Variants in ZCCHC7 observed in about 807,000 individuals in gnomAD.
ZCCHC7 encodes the protein zinc finger CCHC-type containing 7, also known as zinc finger CCHC domain-containing protein 7.
Under a neutral mutation model 52.0 loss-of-function variants are expected in ZCCHC7, and 35 were observed. The ratio of observed to expected loss-of-function variants is 0.67; its 90% CI spans 0.51 to 0.89. The LOEUF (loss-of-function observed/expected upper bound fraction) is 0.89. ZCCHC7 is among the 40% of genes least tolerant of loss of function. The pLI is 0.00. For synonymous variants in ZCCHC7, 217 were observed against 221.5 expected, an observed-to-expected ratio of 0.98 and a Z score of 0.18; for missense variants, 574 against 649.1, an observed-to-expected ratio of 0.88 and a Z score of 1.26.
At chr9:37,121,532 T>C (rs1842316878) in intron 1 of ZCCHC7, 1 of 152,236 alleles carries the variant, frequency 6.6e-6, no homozygotes, top group South Asian at 2.1e-4. Context: ...GTTTGAATAG[T>C]TAGGCTGTCG....
At chr9:37,244,807 A>C (rs894331274) in intron 2 of ZCCHC7, among the ~76,000 whole-genome samples, 4 of 151,270 alleles carry the variant, frequency 2.6e-5, no homozygotes, top group Middle Eastern at 3.2e-3. Flanking sequence ...CCAGTGTTGA[A>C]TTTTTTTTTA....
intron 2 of ZCCHC7, among the ~76,000 whole-genome samples, chr9:37,271,348 A>T (rs1827401490): frequency 6.6e-6 from 1 of 152,168 alleles, no homozygotes; most frequent in South Asian, 2.1e-4. Flanking sequence ...AATTGCATGG[A>T]AAAGAGGGAG....
At chr9:37,276,241 G>T (rs1237698133) in intron 2 of ZCCHC7, among the ~76,000 whole-genome samples, 2 of 152,148 alleles carry the variant, frequency 1.3e-5, no homozygotes, top group South Asian at 2.1e-4. Flanking sequence ...ACTTGAAGGG[G>T]TTATTTATGT....
chr9:37,157,197 G>GA lies in ZCCHC7; in HGVS notation c.610+30270dup, dbSNP rs112401588. On this transcript the variant is annotated intron_variant, in intron 2 of 8. Transcript: ENST00000336755. Reference sequence around the variant, plus strand: ...ATTCTTCACCATCACAAACTTAGTTGAAAAAAAAAAAAAAAGGCGGCCGGG... The same window carrying GA: ...ATTCTTCACCATCACAAACTTAGTTGAAAAAAAAAAAAAAAAGGCGGCCGGG... Among the ~76,000 whole-genome samples, 307 of 133,814 alleles carry GA rather than the reference G, an allele frequency of 2.3e-3. 2 individuals carry two copies. The highest frequency in any genetic ancestry group is 2.5e-3 in the African/African-American group (92 of 36,852). 87.8% of individuals were successfully genotyped at this position (133,814 alleles called of 152,430 possible).
At chr9:37,169,886 C>T (rs999576203) in intron 2 of ZCCHC7, among the ~76,000 whole-genome samples, 1 of 151,804 alleles carries the variant, frequency 6.6e-6, no homozygotes, top group Non-Finnish European at 1.5e-5. Flanking sequence ...GGTAACATGG[C>T]GAAACCATGT....
chr9:37,185,126 T>C (rs1425586417), intron 2 of ZCCHC7, among the ~76,000 whole-genome samples: 1 of 152,152 alleles, frequency 6.6e-6, no homozygotes, highest in Non-Finnish European at 1.5e-5. Context: ...CAGGAGGCAA[T>C]TGGCAGACAC....
At chr9:37,285,723 G>T (rs541347559) in intron 2 of ZCCHC7, among the ~76,000 whole-genome samples, 2 of 152,134 alleles carry the variant, frequency 1.3e-5, no homozygotes, top group Non-Finnish European at 2.9e-5. Context: ...GACTATTAAA[G>T]ATTTTTTTAA....
chr9:37,285,057 A>G (rs79445175), intron 2 of ZCCHC7, among the ~76,000 whole-genome samples: 7,704 of 152,126 alleles, frequency 0.051, 634 homozygotes, highest in African/African-American at 0.17. Context: ...AGGAGATTGG[A>G]GGGGAGCGTT....
intron 2 of ZCCHC7, among the ~76,000 whole-genome samples, chr9:37,272,155 C>T (rs968363391): frequency 1.2e-4 from 18 of 152,124 alleles, no homozygotes; most frequent in Non-Finnish European, 2.1e-4. Context: ...CTTTTTGTAT[C>T]AGAAGATCTG....
intron 2 of ZCCHC7, among the ~76,000 whole-genome samples, chr9:37,258,931 A>G (rs2133434982): frequency 6.6e-6 from 1 of 152,190 alleles, no homozygotes; most frequent in Non-Finnish European, 1.5e-5. Flanking sequence ...AAGTGGCCAG[A>G]AAAATAATTA....
At chr9:37,336,946 A>G (rs1830693936) in intron 6 of ZCCHC7, among the ~76,000 whole-genome samples, 1 of 152,090 alleles carries the variant, frequency 6.6e-6, no homozygotes, top group African/African-American at 2.4e-5. Flanking sequence ...AACAGTGGTA[A>G]GATACCCTGT....
chr9:37,276,476 AAAT>A (rs2133541117), intron 2 of ZCCHC7, among the ~76,000 whole-genome samples: 1 of 152,328 alleles, frequency 6.6e-6, no homozygotes, highest in Non-Finnish European at 1.5e-5. Context: ...ACTTATCTGT[AAAT>A]AGGTGGTAAT....
intron 2 of ZCCHC7, among the ~76,000 whole-genome samples, chr9:37,147,669 CAT>C (rs755827948): frequency 6.6e-6 from 1 of 151,892 alleles, no homozygotes; most frequent in Non-Finnish European, 1.5e-5. Context: ...ATATGTCAAT[CAT>C]ATTAGGAATA....
chr9:37,196,026 T>G (rs1228937946), intron 2 of ZCCHC7, among the ~76,000 whole-genome samples: 1 of 152,186 alleles, frequency 6.6e-6, no homozygotes, highest in Non-Finnish European at 1.5e-5. Context: ...AGTTTGAATT[T>G]TCTGCATTTG....
chr9:37,191,582 C>T (rs999125891), intron 2 of ZCCHC7, among the ~76,000 whole-genome samples: 5 of 152,102 alleles, frequency 3.3e-5, no homozygotes, highest in African/African-American at 7.2e-5. Context: ...TCCCCACCCC[C>T]GAAGGCTGTC....
At chr9:37,278,034 G>GTGTTTTGTTTTGTTT (rs370369181) in intron 2 of ZCCHC7, among the ~76,000 whole-genome samples, 3,629 of 142,904 alleles carry the variant, frequency 0.025, 115 homozygotes, top group African/African-American at 0.079. Context: ...GTGTGTGTGT[G>GTGTTTTGTTTTGTTT]TGTTTTGTTT....
At chr9:37,237,809 C>T (rs1825721398) in intron 2 of ZCCHC7, among the ~76,000 whole-genome samples, 2 of 152,044 alleles carry the variant, frequency 1.3e-5, no homozygotes, top group African/African-American at 4.8e-5. Context: ...AGAGCCATGC[C>T]TTAGTAGCAC....
At chr9:37,121,075 C>T (rs527529311) in intron 1 of ZCCHC7, among the ~76,000 whole-genome samples, 1 of 152,282 alleles carries the variant, frequency 6.6e-6, no homozygotes, top group Non-Finnish European at 1.5e-5. Flanking sequence ...CAGTAGAATC[C>T]AAAATTTCGG....
intron 2 of ZCCHC7, among the ~76,000 whole-genome samples, chr9:37,169,148 A>T (rs1362549893): frequency 6.6e-6 from 1 of 152,220 alleles, no homozygotes; most frequent in Non-Finnish European, 1.5e-5. Flanking sequence ...ATTTATGAAG[A>T]AACAAAATAC....
Sources: allele counts gnomAD v4.1 joint callset (sites outside exome capture counted in the v4.1 genomes callset), GRCh38; gene constraint gnomAD v4.1.1; transcripts MANE v1.5; gene names NCBI Gene and HGNC (gene_info 2026-07-23, HGNC 2026-07-21).